ICA1L: variants seen among roughly 807,000 people sequenced by gnomAD.
ICA1L encodes islet cell autoantigen 1-like protein.
Under a neutral mutation model 61.3 loss-of-function variants are expected in ICA1L, and 50 were observed. That is an observed-to-expected ratio of 0.82 (90% CI 0.65 to 1.03). The LOEUF is 1.03. Among genes scored for constraint, ICA1L ranks in the 50% least tolerant of loss-of-function variants. ICA1L has a pLI of 0.00. For synonymous variants in ICA1L, 161 were observed against 191.3 expected, an observed-to-expected ratio of 0.84 and a Z score of 1.31; for missense variants, 508 against 556.7, an observed-to-expected ratio of 0.91 and a Z score of 0.88.
At chr2:202,794,965 T>G (rs1357464869) in intron 10 of ICA1L, among the ~76,000 whole-genome samples, 1 of 146,170 alleles carries the variant, frequency 6.8e-6, no homozygotes, top group Non-Finnish European at 1.5e-5. Context: ...AATTTTATAT[T>G]CAAATTGAAA....
chr2:202,811,639 G>T, intron 9 of ICA1L, 107 bp downstream of exon 9: 2 of 780,626 alleles, frequency 2.6e-6, no homozygotes, highest in African/African-American at 1.8e-5. Context: ...TCCAGCCTGG[G>T]GGACAGAGCA....
Position 202,828,910 on chromosome 2 carries a change from T to A in ICA1L, c.100A>T (p.Thr34Ser). 1.9e-6 allele frequency: 3 copies of A among 1,613,870 alleles called. No homozygotes were observed. Among genetic ancestry groups the A allele is most frequent in the Non-Finnish European group, 2.5e-6 (3 of 1,179,948 alleles). Residue 34 changes from threonine (T) to serine (S), a missense_variant, in exon 2 of 13, where the codon ACA (threonine) becomes TCA (serine). Thr to Ser is a moderately conservative substitution (Grantham distance 58). Coordinates refer to ENST00000358299, the MANE Select transcript of ICA1L (RefSeq NM_001288622.3). The stretch of plus-strand genomic sequence containing the variant: ...AAGTGCTCATCCTCTTTTTTTCCTG[T>A]TGCTTTGATAAAGACCTGTTTAGTT... ...WKTKQVFIKATGKKEDEHLVA... is the reference protein window; with the variant it reads ...WKTKQVFIKASGKKEDEHLVA...
intron 12 of ICA1L, among the ~76,000 whole-genome samples, chr2:202,783,904 T>TG (rs563884639): frequency 4.3e-4 from 64 of 148,302 alleles, no homozygotes; most frequent in African/African-American, 9.2e-4. Flanking sequence ...ATGTATATGA[T>TG]GGGGGGGTGG....
intron 12 of ICA1L, among the ~76,000 whole-genome samples, chr2:202,783,639 T>G (rs1446401242): frequency 2.0e-5 from 3 of 152,256 alleles, no homozygotes; most frequent in Admixed American, 2.0e-4. Flanking sequence ...AAATGCAATG[T>G]GTGATCCTGG....
At chr2:202,818,313 T>C (rs1559137236) in intron 5 of ICA1L, among the ~76,000 whole-genome samples, 1 of 152,062 alleles carries the variant, frequency 6.6e-6, no homozygotes, top group African/African-American at 2.4e-5. Flanking sequence ...GGGGAGAGCA[T>C]TCCAGAACTA....
intron 9 of ICA1L, among the ~76,000 whole-genome samples, chr2:202,802,783 ATGT>A (rs1294673864): frequency 2.0e-5 from 3 of 152,186 alleles, no homozygotes; most frequent in Non-Finnish European, 4.4e-5. Context: ...AACAAGAATG[ATGT>A]TCTAATTTGT....
intron 6 of ICA1L, among the ~76,000 whole-genome samples, chr2:202,816,591 T>C (rs573562799): frequency 2.6e-5 from 4 of 152,308 alleles, no homozygotes; most frequent in African/African-American, 7.2e-5. Context: ...ACTGAACTCA[T>C]AGCTATTGTG....
chr2:202,818,165 GTAAA>G (rs879631470), intron 5 of ICA1L, among the ~76,000 whole-genome samples: 2 of 152,144 alleles, frequency 1.3e-5, no homozygotes, highest in African/African-American at 4.8e-5. Flanking sequence ...AAAAAAAGAA[GTAAA>G]TAAATATATA....
chr2:202,861,058 C>T (rs1469365446), intron 1 of ICA1L, among the ~76,000 whole-genome samples: 1 of 151,792 alleles, frequency 6.6e-6, no homozygotes, highest in Non-Finnish European at 1.5e-5. Context: ...GGTGAAACTC[C>T]GTCTCTACTA....
chr2:202,839,755 G>A (rs1416825964), intron 1 of ICA1L, among the ~76,000 whole-genome samples: 1 of 151,980 alleles, frequency 6.6e-6, no homozygotes, highest in African/African-American at 2.4e-5. Context: ...TTGTTTTACA[G>A]CTCTTTTGTT....
At chr2:202,828,259 C>CA (rs1693903290) in intron 2 of ICA1L, among the ~76,000 whole-genome samples, 1 of 49,274 alleles carries the variant, frequency 2.0e-5, no homozygotes, top group South Asian at 1.2e-3. Context: ...AGCGAACCTC[C>CA]ATCCAAAAAA....
chr2:202,851,416 G>C (rs1694616960), intron 1 of ICA1L, among the ~76,000 whole-genome samples: 1 of 152,240 alleles, frequency 6.6e-6, no homozygotes, highest in African/African-American at 2.4e-5. Context: ...TATCATTGAT[G>C]GACATTTGGG....
intron 9 of ICA1L, among the ~76,000 whole-genome samples, chr2:202,800,655 G>A (rs529651247): frequency 1.3e-5 from 2 of 152,248 alleles, no homozygotes; most frequent in African/African-American, 4.8e-5. Flanking sequence ...AAAATGAAAT[G>A]TAAATTTCTC....
chr2:202,797,083 C>A, intron 9 of ICA1L, 119 bp from the exon 10 acceptor site: 2 of 551,236 alleles, frequency 3.6e-6, no homozygotes, highest in Non-Finnish European at 3.1e-6. Context: ...CGAAAACATA[C>A]AAAAGGGAAA....
intron 11 of ICA1L, 76 bp downstream of exon 11, chr2:202,788,754 G>C: frequency 6.9e-7 from 1 of 1,453,186 alleles, no homozygotes; most frequent in Non-Finnish European, 9.6e-7. Flanking sequence ...GTTGGTTCTA[G>C]CATCAATAAG....
chr2:202,813,189 G>C (rs1246477988), intron 8 of ICA1L, among the ~76,000 whole-genome samples: 2 of 151,958 alleles, frequency 1.3e-5, no homozygotes, highest in African/African-American at 4.8e-5. Context: ...GAACCTGGGA[G>C]GGGGAGGTGG....
chr2:202,865,341 C>G (rs1475006656), intron 1 of ICA1L, among the ~76,000 whole-genome samples: 2 of 138,100 alleles, frequency 1.4e-5, no homozygotes, highest in Non-Finnish European at 1.6e-5. Flanking sequence ...TGGTGGTGCA[C>G]TCCTGTAATC....
intron 1 of ICA1L, chr2:202,841,485 G>A (rs1559144703): frequency 1.3e-6 from 1 of 798,390 alleles, no homozygotes. Flanking sequence ...CAAATTTGTT[G>A]TTGAGGGTCC....
At chr2:202,837,170 A>G (rs1241809838) in intron 1 of ICA1L, among the ~76,000 whole-genome samples, 1 of 151,518 alleles carries the variant, frequency 6.6e-6, no homozygotes, top group Non-Finnish European at 1.5e-5. Context: ...GTAGTCTATG[A>G]TCCTTTGTAT....
Sources: gnomAD v4.1 joint callset for allele counts (sites outside exome capture counted in the v4.1 genomes callset) on GRCh38, gnomAD v4.1.1 for gene constraint, MANE v1.5 for transcripts, NCBI Gene and HGNC (gene_info 2026-07-23, HGNC 2026-07-21) for gene names.